PFKFB4: variants seen among roughly 807,000 people sequenced by gnomAD.
PFKFB4 encodes the protein 6-phosphofructo-2-kinase/fructose-2,6-bisphosphatase 4.
PFKFB4 carries 42 observed loss-of-function variants against 62.8 expected under a neutral mutation model. The observed-to-expected ratio is 0.67, with a 90% CI of 0.52 to 0.86. The LOEUF is 0.86. Ranked by LOEUF, PFKFB4 falls within the 40% of genes least tolerant of loss-of-function variation. The pLI is 0.00. For missense variants in PFKFB4, 475 were observed against 627.2 expected (o/e 0.76, Z 2.59); for synonymous variants, 204 against 240.7 (o/e 0.85, Z 1.41).
rs35452137 is a variant in PFKFB4 at position 48,549,975 on chromosome 3, A to C, written c.215-15T>G. On this transcript the variant is annotated splice_polypyrimidine_tract_variant and intron_variant, in intron 2 of 13. Coordinates refer to ENST00000232375, the MANE Select transcript of PFKFB4 (RefSeq NM_004567.4). ...AACATTGAACTCTGGAGGGAAGGAG[A>C]GGCTCAGCTTTCACAGCAACAGCAA... 178,246 of 1,595,154 alleles carry C rather than the reference A, an allele frequency of 0.11. 11,046 individuals are homozygous for C. The highest frequency in any genetic ancestry group is 0.18 in the South Asian group (16,248 of 90,722).
chr3:48,527,019 A>G (rs1575359873), intron 9 of PFKFB4, among the ~76,000 whole-genome samples: 1 of 152,054 alleles, frequency 6.6e-6, no homozygotes, highest in East Asian at 1.9e-4. Context: ...ATGACCGTGG[A>G]CAGAGGTGGG....
At position 48,524,644 on chromosome 3, in the gene PFKFB4, G is replaced by C. The variant is rs77468531; in HGVS notation, c.1093-814C>G. 2.0e-5 allele frequency among the ~76,000 whole-genome samples: 3 copies of C among 152,232 alleles called. No individual in the cohort carries two copies. In the East Asian group the frequency reaches 5.8e-4, roughly 29 times the overall value. ...CTGGGTTGGTTCTAAATCTGAACTT[G>C]GCCTAACATAATGTGGGGAATAATT... On this transcript the variant is annotated intron_variant, in intron 10 of 13. Transcript: ENST00000232375.
In PFKFB4 at chr3:48,530,864, G is replaced by A. The variant is rs1366985003; in HGVS notation, c.987+4648C>T. On this transcript the variant is annotated intron_variant, in intron 9 of 13. Coordinates refer to ENST00000232375, the MANE Select transcript of PFKFB4 (RefSeq NM_004567.4). ...TGGGATTACAGGCATGCGCCACCACGCTCAGCTACTTTTTACATTTTTAGT... is the reference window on the plus strand; with the variant it reads ...TGGGATTACAGGCATGCGCCACCACACTCAGCTACTTTTTACATTTTTAGT... 3.9e-5 allele frequency among the ~76,000 whole-genome samples: 6 copies of A among 151,928 alleles called. 1 individual carries two copies. Among genetic ancestry groups the A allele is most frequent in the Admixed American group, 1.3e-4 (2 of 15,238 alleles).
intron 1 of PFKFB4, among the ~76,000 whole-genome samples, chr3:48,551,693 T>C (rs548630124): frequency 3.3e-5 from 5 of 151,850 alleles, no homozygotes; most frequent in Non-Finnish European, 5.9e-5. Context: ...TACAAGCACA[T>C]GCCACCACAC....
intron 9 of PFKFB4, among the ~76,000 whole-genome samples, chr3:48,528,053 T>C (rs1386930019): frequency 6.6e-6 from 1 of 152,028 alleles, no homozygotes; most frequent in Non-Finnish European, 1.5e-5. Flanking sequence ...AATATGAACA[T>C]TAAAGGTGCC....
chr3:48,530,811 AT>A (rs2042404570), intron 9 of PFKFB4, among the ~76,000 whole-genome samples: 1 of 152,052 alleles, frequency 6.6e-6, no homozygotes, highest in Admixed American at 6.6e-5. Context: ...GGTTCAAGCA[AT>A]TCTCCTGCTT....
chr3:48,524,568 C>T (rs1002997550), intron 10 of PFKFB4, among the ~76,000 whole-genome samples: 1 of 152,218 alleles, frequency 6.6e-6, no homozygotes, highest in Non-Finnish European at 1.5e-5. Context: ...ATTCTCCTCA[C>T]TGTATTCTCA....
chr3:48,550,675 C>A (rs2043115615), intron 1 of PFKFB4, among the ~76,000 whole-genome samples: 1 of 152,220 alleles, frequency 6.6e-6, no homozygotes, highest in Admixed American at 6.5e-5. Flanking sequence ...TCAGTGCTCC[C>A]AGAACACATA....
At chr3:48,524,139 T>C (rs2042182711) in intron 10 of PFKFB4, among the ~76,000 whole-genome samples, 1 of 152,178 alleles carries the variant, frequency 6.6e-6, no homozygotes, top group South Asian at 2.1e-4. Context: ...ATAGAATTCA[T>C]GTGACTGGTG....
intron 3 of PFKFB4, among the ~76,000 whole-genome samples, chr3:48,547,654 AGTAGAGATG>A (rs374119442): frequency 2.0e-4 from 31 of 152,244 alleles, no homozygotes; most frequent in Middle Eastern, 6.8e-3. Context: ...TTGTAATTTT[AGTAGAGATG>A]GGGTTTTGCC....
rs755936336 is a variant in PFKFB4, at chr3:48,539,697, C to T, written c.453G>A (p.Lys151=). ...AGGAGAGGAGCCAAGGAGGCCTCACCTTGTAGCCATTCTGTTCTCCAAAAT... is the reference window on the plus strand; with the variant it reads ...AGGAGAGGAGCCAAGGAGGCCTCACTTTGTAGCCATTCTGTTCTCCAAAAT... ...IFNFGEQNGY[K]TFFVESICVD... The change falls in exon 5 of 14, where the codon AAG becomes AAA. Residue 151 remains lysine (K), a splice_region_variant and synonymous_variant. Transcript: ENST00000232375. The T allele has an allele frequency of 1.2e-6, 2 of 1,613,334 alleles. No homozygotes were observed. Among genetic ancestry groups the T allele is most frequent in the Non-Finnish European group, 1.7e-6 (2 of 1,179,280 alleles).
intron 4 of PFKFB4, among the ~76,000 whole-genome samples, chr3:48,539,986 A>G (rs926171863): frequency 1.3e-5 from 2 of 152,170 alleles, no homozygotes; most frequent in Non-Finnish European, 2.9e-5. Context: ...GAATGCCCCA[A>G]GGAAGTTAGA....
At position 48,530,255 on chromosome 3, in the gene PFKFB4, AAAAT is replaced by A. The variant is rs1197115028; in HGVS notation, c.988-4590_988-4587del. The stretch of plus-strand genomic sequence containing the variant: ...GAAACAGAGTGAGATTTGGTCTCAA[AAAAT>A]AAATAAATAAATAAAAATAAAATAA... On this transcript the variant is annotated intron_variant, in intron 9 of 13. Transcript: ENST00000232375. Among the ~76,000 whole-genome samples, 3 of 152,154 alleles carry A rather than the reference AAAAT, an allele frequency of 2.0e-5. No individual in the cohort carries two copies. In the East Asian group the frequency reaches 5.8e-4, roughly 29 times the overall value.
rs1213024657 is a variant in PFKFB4 at position 48,521,757 on chromosome 3, G to A, written c.1350+229C>T. On this transcript the variant is annotated intron_variant, in intron 13 of 13. Coordinates refer to ENST00000232375, the MANE Select transcript of PFKFB4 (RefSeq NM_004567.4). This position sits in a 1 kb window ranked among gnomAD's most constrained non-coding sequence, Gnocchi z 5.3. The stretch of plus-strand genomic sequence containing the variant: ...AAGTTCAGGCACTCCTGAGCCTGGT[G>A]GCCCAGAGTCAGGGATTTCCCCATC... Among the ~76,000 whole-genome samples the A allele has an allele frequency of 6.6e-6, 1 of 152,192 alleles. No individual in the cohort carries two copies. Among genetic ancestry groups the A allele is most frequent in the East Asian group, 1.9e-4 (1 of 5,184 alleles).
intron 11 of PFKFB4, 37 bp from the exon 12 acceptor site, chr3:48,523,636 A>G: frequency 6.2e-7 from 1 of 1,614,034 alleles, no homozygotes; most frequent in East Asian, 2.2e-5. Flanking sequence ...CACACCAGAA[A>G]TGCCTGGTGA....
intron 10 of PFKFB4, 139 bp from the exon 11 acceptor site, chr3:48,523,969 C>A (rs914475589): frequency 2.2e-6 from 2 of 927,306 alleles, no homozygotes; most frequent in African/African-American, 3.3e-5. Flanking sequence ...TCCAGCCTAG[C>A]CTTCTGAGGC....
rs1455280709 is a variant in PFKFB4, at chr3:48,535,643, C to A, written c.856G>T (p.Ala286Ser). Reference protein sequence around the residue: ...PRGREFAKSLAQFISDQNIKD... With the variant: ...PRGREFAKSLSQFISDQNIKD... The stretch of plus-strand genomic sequence containing the variant: ...ATATTTTGGTCACTGATGAACTGGG[C>A]TAGACTCTTGGCAAACTGAAATACA... Residue 286 changes from alanine (A) to serine (S), a missense_variant, in exon 9 of 14, where the codon GCC becomes TCC. By Grantham distance (99) the Ala-to-Ser change is moderately conservative. Coordinates refer to ENST00000232375, the MANE Select transcript of PFKFB4 (RefSeq NM_004567.4). The A allele has an allele frequency of 1.1e-5, 17 of 1,614,024 alleles. No individual in the cohort carries two copies. Among genetic ancestry groups the A allele is most frequent in the Non-Finnish European group, 1.4e-5 (17 of 1,180,024 alleles).
intron 3 of PFKFB4, among the ~76,000 whole-genome samples, chr3:48,546,018 CGTGT>C (rs145258700): frequency 4.0e-5 from 6 of 150,590 alleles, no homozygotes; most frequent in African/African-American, 9.8e-5. Flanking sequence ...TGTGTGTGTG[CGTGT>C]GTGTGTGTGT....
chr3:48,523,666 C>A (rs1216906142), intron 11 of PFKFB4, 35 bp downstream of exon 11: 3 of 1,613,988 alleles, frequency 1.9e-6, no homozygotes, highest in Non-Finnish European at 2.5e-6. Context: ...CCTTCTCACA[C>A]AACCTTCCCA....
Sources: allele counts gnomAD v4.1 joint callset (sites outside exome capture counted in the v4.1 genomes callset), GRCh38; gene constraint gnomAD v4.1.1; non-coding constraint Gnocchi (gnomAD v3.1); transcripts MANE v1.5; gene names NCBI Gene and HGNC (gene_info 2026-07-23, HGNC 2026-07-21).